AFF3: variants seen among roughly 807,000 people sequenced by gnomAD.
AFF3 encodes AF4/FMR2 family member 3.
AFF3 carries 32 observed loss-of-function variants against 129.7 expected under a neutral mutation model. The observed-to-expected ratio is 0.25, with a 90% CI of 0.19 to 0.33. AFF3 has a LOEUF of 0.33. AFF3 is among the 10% of genes least tolerant of loss of function. The pLI is 1.00. For missense variants in AFF3, 1,373 were observed against 1,592.0 expected (o/e 0.86, Z 2.34); for synonymous variants, 644 against 635.4 (o/e 1.01, Z -0.20).
At chr2:99,790,619 A>G (rs1685127341) in intron 8 of AFF3, among the ~76,000 whole-genome samples, 1 of 152,178 alleles carries the variant, frequency 6.6e-6, no homozygotes, top group Admixed American at 6.5e-5. Flanking sequence ...GGTTGTCATA[A>G]CAGAGTGGGT....
At chr2:100,027,002 A>G (rs11123805) in intron 4 of AFF3, among the ~76,000 whole-genome samples, 82,139 of 151,662 alleles carry the variant, frequency 0.54, 23,093 homozygotes, top group African/African-American at 0.69. Context: ...GGTGATGAGT[A>G]CACAAAATCT....
rs142433723 is a variant in AFF3, at chr2:100,067,710, C to A, written c.53+36692G>T. Among the ~76,000 whole-genome samples, 41 of 152,160 alleles carry A rather than the reference C, an allele frequency of 2.7e-4. 1 individual carries two copies. The East Asian group carries it at 3.9e-3, about 14-fold the overall frequency. On this transcript the variant is annotated intron_variant, in intron 4 of 24. Coordinates refer to ENST00000672756, the MANE Select transcript of AFF3 (RefSeq NM_001386135.1). ...CTCGGTAGCCCATATTTTTATCATC[C>A]CTCTCCATGAGGTAGGGCAAGGGTA...
chr2:99,604,456 A>C (rs997812274), intron 13 of AFF3, among the ~76,000 whole-genome samples: 1 of 152,158 alleles, frequency 6.6e-6, no homozygotes, highest in Non-Finnish European at 1.5e-5. Context: ...GGAACCACAC[A>C]CACTGGGGCC....
intron 12 of AFF3, among the ~76,000 whole-genome samples, chr2:99,654,022 G>A (rs1685524314): frequency 6.6e-6 from 1 of 152,064 alleles, no homozygotes; most frequent in Non-Finnish European, 1.5e-5. Flanking sequence ...TGGGATTACA[G>A]GCATGCGCCA....
intron 8 of AFF3, among the ~76,000 whole-genome samples, chr2:99,782,454 A>G (rs548427372): frequency 1.1e-4 from 16 of 152,342 alleles, no homozygotes; most frequent in Admixed American, 9.1e-4. Context: ...ACACTGCCTG[A>G]GCTGTGCTGC....
intron 7 of AFF3, among the ~76,000 whole-genome samples, chr2:99,974,143 T>G (rs983422285): frequency 6.6e-6 from 1 of 152,204 alleles, no homozygotes; most frequent in Non-Finnish European, 1.5e-5. Context: ...TGTAGACGTC[T>G]TTTCTAAATG....
At chr2:99,965,917 A>G (rs563810643) in intron 7 of AFF3, among the ~76,000 whole-genome samples, 156 of 152,346 alleles carry the variant, frequency 1.0e-3, no homozygotes, top group African/African-American at 3.5e-3. Flanking sequence ...TTGTTCTTTG[A>G]CTATATATAT....
At chr2:100,018,339 C>A (rs1683304285) in intron 4 of AFF3, among the ~76,000 whole-genome samples, 2 of 152,284 alleles carry the variant, frequency 1.3e-5, no homozygotes, top group Admixed American at 1.3e-4. Context: ...TTTTACTGAT[C>A]ATTTACTGAG....
chr2:99,683,278 A>T (rs1295626647), intron 11 of AFF3, among the ~76,000 whole-genome samples: 1 of 152,210 alleles, frequency 6.6e-6, no homozygotes, highest in Non-Finnish European at 1.5e-5. Flanking sequence ...TAAAATGGAA[A>T]AACGAGAGTG....
At chr2:99,726,426 T>C (rs929552908) in intron 11 of AFF3, among the ~76,000 whole-genome samples, 2 of 152,238 alleles carry the variant, frequency 1.3e-5, no homozygotes, top group African/African-American at 4.8e-5. Flanking sequence ...TTGACTCTTA[T>C]GGAACTAAAA....
At chr2:99,833,404 T>C (rs1688647054) in intron 8 of AFF3, among the ~76,000 whole-genome samples, 2 of 152,176 alleles carry the variant, frequency 1.3e-5, no homozygotes, top group South Asian at 4.1e-4. Flanking sequence ...TCTATGTAAA[T>C]ATTCCTTAAG....
intron 8 of AFF3, among the ~76,000 whole-genome samples, chr2:99,790,349 T>C (rs371256160): frequency 7.0e-4 from 106 of 152,330 alleles, no homozygotes; most frequent in Middle Eastern, 6.8e-3. Flanking sequence ...ACCACAGGCT[T>C]TCAACATCTA....
intron 8 of AFF3, among the ~76,000 whole-genome samples, chr2:99,836,508 C>G (rs528340760): frequency 6.6e-6 from 1 of 152,054 alleles, no homozygotes; most frequent in South Asian, 2.1e-4. Context: ...CAAATCACAT[C>G]TCAATTAGTT....
chr2:100,106,846 A>C (rs548077101), intron 2 of AFF3: 37 of 985,380 alleles, frequency 3.8e-5, no homozygotes, highest in Non-Finnish European at 4.5e-5. Flanking sequence ...ATGGAGGCTG[A>C]AGATAAATAG....
intron 7 of AFF3, among the ~76,000 whole-genome samples, chr2:99,949,590 A>G (rs929627046): frequency 6.6e-6 from 1 of 151,964 alleles, no homozygotes; most frequent in Non-Finnish European, 1.5e-5. Context: ...GATGGGAGAC[A>G]GTGGCAGATC....
chr2:99,701,676 C>A (rs568772906), intron 11 of AFF3, among the ~76,000 whole-genome samples: 6 of 152,310 alleles, frequency 3.9e-5, no homozygotes, highest in Non-Finnish European at 8.8e-5. Context: ...AACAGTTATG[C>A]ATGGACTCAT....
At chr2:99,805,956 C>A (rs933115348) in intron 8 of AFF3, among the ~76,000 whole-genome samples, 6 of 151,822 alleles carry the variant, frequency 4.0e-5, no homozygotes, top group African/African-American at 1.5e-4. Flanking sequence ...AACAGTTTAA[C>A]CTGGAAATGT....
intron 7 of AFF3, among the ~76,000 whole-genome samples, chr2:99,868,432 C>A (rs1388714189): frequency 2.0e-5 from 3 of 152,080 alleles, no homozygotes; most frequent in African/African-American, 7.2e-5. Context: ...GCAGGCCAGG[C>A]GAGCGAGTGT....
chr2:99,746,110 CA>C (rs1390148584), intron 9 of AFF3, among the ~76,000 whole-genome samples: 3 of 150,332 alleles, frequency 2.0e-5, no homozygotes, highest in Non-Finnish European at 4.4e-5. Context: ...ACTTGTACCC[CA>C]AAAGCTATTA....
Sources: allele counts gnomAD v4.1 joint callset (sites outside exome capture counted in the v4.1 genomes callset), GRCh38; gene constraint gnomAD v4.1.1; transcripts MANE v1.5; gene names NCBI Gene and HGNC (gene_info 2026-07-23, HGNC 2026-07-21).